VPS13B: variants seen among roughly 807,000 people sequenced by gnomAD.
The protein encoded by VPS13B is intermembrane lipid transfer protein VPS13B.
Under a neutral mutation model 426.4 loss-of-function variants are expected in VPS13B, and 285 were observed. That is an observed-to-expected ratio of 0.67 (90% confidence interval 0.61 to 0.74). The LOEUF (loss-of-function observed/expected upper bound fraction) is 0.74, where lower values mean the gene tolerates loss of function less well. Among genes scored for constraint, VPS13B ranks in the 30% least tolerant of loss-of-function variants. The pLI, the probability that VPS13B is intolerant of heterozygous loss-of-function variation, is 0.00. For synonymous variants in VPS13B, 1,676 were observed against 1,676.4 expected (o/e 1.00, Z 0.01); for missense variants, 4,537 against 4,782.6 (o/e 0.95, Z 1.51).
intron 4 of VPS13B, among the ~76,000 whole-genome samples, chr8:99,099,439 C>A (rs1333625895): frequency 6.6e-6 from 1 of 152,122 alleles, no homozygotes; most frequent in Non-Finnish European, 1.5e-5. Flanking sequence ...TCCCAGTGAC[C>A]ACATCAAGAT....
intron 19 of VPS13B, among the ~76,000 whole-genome samples, 164 bp downstream of exon 19, chr8:99,275,418 C>T (rs1780828496): frequency 6.8e-6 from 1 of 146,516 alleles, no homozygotes; most frequent in Admixed American, 7.0e-5. Flanking sequence ...ATTTTTGTAT[C>T]ACTTTTGTTA....
intron 30 of VPS13B, among the ~76,000 whole-genome samples, chr8:99,552,451 T>C (rs919604562): frequency 6.6e-6 from 1 of 152,040 alleles, no homozygotes; most frequent in African/African-American, 2.4e-5. Context: ...GGAGCAAGAC[T>C]GTCCAGACTG....
chr8:99,097,622 C>G (rs532878766), intron 4 of VPS13B, among the ~76,000 whole-genome samples: 85 of 151,786 alleles, frequency 5.6e-4, no homozygotes, highest in Non-Finnish European at 7.5e-4. Flanking sequence ...AGAGGCAAGA[C>G]AGATCAAAAA....
intron 2 of VPS13B, among the ~76,000 whole-genome samples, chr8:99,016,377 A>G (rs1009456955): frequency 2.6e-5 from 4 of 151,970 alleles, no homozygotes; most frequent in African/African-American, 9.7e-5. Flanking sequence ...TTTTGCTACT[A>G]CTTGTTATGT....
intron 16 of VPS13B, among the ~76,000 whole-genome samples, chr8:99,174,881 G>T (rs1005463547): frequency 6.6e-6 from 1 of 152,042 alleles, no homozygotes; most frequent in Non-Finnish European, 1.5e-5. Context: ...CATCCTTTTT[G>T]CTGTACTGAG....
chr8:99,511,457 A>G lies in VPS13B; in HGVS notation c.4578A>G (p.Thr1526=). 1 of 1,613,186 alleles carries G rather than the reference A, an allele frequency of 6.2e-7. No individual in the cohort carries two copies. The highest frequency in any genetic ancestry group is 8.5e-7 in the Non-Finnish European group (1 of 1,179,856). Residue 1526 remains threonine, a synonymous_variant, in exon 29 of 62, where the codon ACA becomes ACG. Transcript: ENST00000357162. ...SRNLPLIYVN[T]SVIRIFIPKT... ...ATTTACCTTTGATTTATGTCAACAC[A>G]AGTGTAATCAGAATTTTTATTCCAA...
intron 33 of VPS13B, among the ~76,000 whole-genome samples, chr8:99,592,618 C>T (rs868302366): frequency 1.3e-5 from 2 of 152,080 alleles, no homozygotes; most frequent in South Asian, 4.1e-4. Flanking sequence ...TAATTCTAAG[C>T]AAAAAGAGCA....
intron 16 of VPS13B, among the ~76,000 whole-genome samples, chr8:99,174,429 GA>G (rs1464740013): frequency 2.0e-5 from 3 of 152,066 alleles, no homozygotes; most frequent in African/African-American, 4.8e-5. Context: ...AACAGTGATG[GA>G]AAAAGGTTCC....
chr8:99,518,513 G>A (rs774537569), intron 29 of VPS13B, among the ~76,000 whole-genome samples: 8 of 152,068 alleles, frequency 5.3e-5, no homozygotes, highest in Non-Finnish European at 1.2e-4. Context: ...TGTGACATCC[G>A]TATGCTAATA....
At chr8:99,356,601 C>G (rs539645385) in intron 19 of VPS13B, among the ~76,000 whole-genome samples, 2 of 152,128 alleles carry the variant, frequency 1.3e-5, no homozygotes, top group African/African-American at 4.8e-5. Context: ...GAACTGTATT[C>G]GGGCCACTGC....
chr8:99,179,343 C>G (rs1463386214), intron 16 of VPS13B, among the ~76,000 whole-genome samples: 1 of 152,126 alleles, frequency 6.6e-6, no homozygotes, highest in African/African-American at 2.4e-5. Flanking sequence ...TTGCTTCTTA[C>G]AATTTATATG....
rs1409643812 is a variant in VPS13B at position 99,654,210 on chromosome 8, G to A, written c.5909-7144G>A. On this transcript the variant is annotated intron_variant, in intron 34 of 61. Transcript: ENST00000357162. ...ACTATAGGCGCCCGCCACCACGCCC[G>A]GCTAATTTTTTGTATTTTTAGTAGA... Among the ~76,000 whole-genome samples, 13 of 151,858 alleles carry A rather than the reference G, an allele frequency of 8.6e-5. No individual in the cohort carries two copies. In the South Asian group the frequency reaches 1.0e-3, roughly 12 times the overall value.
rs1208247141 is a variant in VPS13B at position 99,530,520 on chromosome 8, A to AG, written c.4745+9512dup. On this transcript the variant is annotated intron_variant, in intron 30 of 61. Transcript: ENST00000357162. ...TTCCAGCTACTTGGGAGGCTGAGAC[A>AG]GGAGAATCGCTTGAATCTGGGAGGT... 1.1e-4 allele frequency among the ~76,000 whole-genome samples: 16 copies of AG among 151,904 alleles called. 1 individual carries two copies. The South Asian group carries it at 3.3e-3, about 32-fold the overall frequency.
chr8:99,149,502 G>A (rs1037924530), intron 14 of VPS13B, among the ~76,000 whole-genome samples: 3 of 152,104 alleles, frequency 2.0e-5, no homozygotes, highest in African/African-American at 7.2e-5. Context: ...ATTTTTAGTA[G>A]AGACAGGATT....
chr8:99,753,458 A>G (rs1810494300), intron 39 of VPS13B, among the ~76,000 whole-genome samples: 2 of 152,214 alleles, frequency 1.3e-5, no homozygotes, highest in Non-Finnish European at 2.9e-5. Context: ...TGAGACTAAA[A>G]CATAATATGA....
intron 3 of VPS13B, among the ~76,000 whole-genome samples, chr8:99,094,623 G>A (rs1022845718): frequency 8.6e-5 from 13 of 152,000 alleles, no homozygotes; most frequent in African/African-American, 2.4e-5. Flanking sequence ...CTGAAGCCAT[G>A]CTGTTTTGTA....
In VPS13B at chr8:99,336,775, C is replaced by A. The variant is rs143630942; in HGVS notation, c.2825-47433C>A. 8.5e-3 allele frequency among the ~76,000 whole-genome samples: 1,291 copies of A among 152,328 alleles called. 20 individuals carry two copies. Among genetic ancestry groups the A allele is most frequent in the African/African-American group, 0.029 (1,214 of 41,572 alleles). On this transcript the variant is annotated intron_variant, in intron 19 of 61. Coordinates refer to ENST00000357162, the MANE Select transcript of VPS13B (RefSeq NM_152564.5). ...ACACATGAAAAAATGCTGACTATCA[C>A]TGGCCATCAGAGAAATGCAAATCAA...
At chr8:99,494,254 T>A (rs543116239) in intron 25 of VPS13B, among the ~76,000 whole-genome samples, 1 of 152,120 alleles carries the variant, frequency 6.6e-6, no homozygotes, top group Non-Finnish European at 1.5e-5. Flanking sequence ...GTCTCCAGTA[T>A]TTTTTCATCT....
intron 17 of VPS13B, chr8:99,232,920 C>A (rs1816422421): frequency 1.7e-6 from 1 of 589,850 alleles, no homozygotes; most frequent in Non-Finnish European, 3.0e-6. Flanking sequence ...CTGGCCGCCT[C>A]CGCAGACTTC....
Sources: gnomAD v4.1 joint callset for allele counts (sites outside exome capture counted in the v4.1 genomes callset) on GRCh38, gnomAD v4.1.1 for gene constraint, MANE v1.5 for transcripts, NCBI Gene and HGNC (gene_info 2026-07-23, HGNC 2026-07-21) for gene names.